The following ITPKB variants were observed in gnomAD, a reference collection of about 807,000 sequenced individuals.
The protein encoded by ITPKB is IP3 3-kinase B.
Under a neutral mutation model 69.4 loss-of-function variants are expected in ITPKB, and 13 were observed. That is an observed-to-expected ratio of 0.19 (90% CI 0.12 to 0.30). ITPKB has a LOEUF of 0.30. Ranked by LOEUF, ITPKB falls within the 10% of genes least tolerant of loss-of-function variation. ITPKB has a pLI of 1.00. For synonymous variants in ITPKB, 584 were observed against 513.7 expected (o/e 1.14, Z -1.85); for missense variants, 1,240 against 1,250.5 (o/e 0.99, Z 0.13).
rs866706391 is a variant in ITPKB, at chr1:226,736,192, G to A, written c.1267C>T (p.Pro423Ser). ...GGGGCCCCACTTCGGGCCTCCTCAG[G>A]GCCTACGGAGGCCAGGGCCCTGGGC... is the stretch of plus-strand genomic sequence containing the variant. ...RLPRALASVG[P>S]EEARSGAPVG... Residue 423 changes from proline (P) to serine (S), a missense_variant, in exon 2 of 8, where the codon CCT becomes TCT. By Grantham distance (74) the Pro-to-Ser change is moderately conservative (BLOSUM62 -1). This residue lies in a region of ITPKB where 992 missense variants were observed against 853.8 expected (regional missense o/e 1.16). Coordinates refer to ENST00000429204, the MANE Select transcript of ITPKB (RefSeq NM_002221.4). The A allele has an allele frequency of 1.9e-6, 3 of 1,538,512 alleles. No homozygotes were observed. The highest frequency in any genetic ancestry group is 1.4e-5 in the African/African-American group (1 of 72,446).
rs1369882709 is a variant in ITPKB at position 226,648,779 on chromosome 1, C to A, written c.1933-8G>T. 6.4e-7 allele frequency: 1 copy of A among 1,559,030 alleles called. No homozygotes were observed. The highest frequency in any genetic ancestry group is 1.7e-5 in the Admixed American group (1 of 59,780). On this transcript the variant is annotated splice_polypyrimidine_tract_variant and splice_region_variant and intron_variant, in intron 2 of 7. Coordinates refer to ENST00000429204, the MANE Select transcript of ITPKB (RefSeq NM_002221.4). ...CTTCCTCCATGATTTGCTCTAGAAA[C>A]AAACAAACAAAAAGCTCTACATTAG... is the stretch of plus-strand genomic sequence containing the variant.
chr1:226,728,266 C>A (rs1246805936), intron 2 of ITPKB, among the ~76,000 whole-genome samples: 3 of 152,136 alleles, frequency 2.0e-5, no homozygotes, highest in Non-Finnish European at 2.9e-5. Flanking sequence ...GACTAGTGGC[C>A]TGAAGAGATA....
intron 2 of ITPKB, among the ~76,000 whole-genome samples, chr1:226,655,504 C>G (rs988292203): frequency 6.6e-6 from 1 of 152,236 alleles, no homozygotes; most frequent in Non-Finnish European, 1.5e-5. Flanking sequence ...ACCTGTGGCT[C>G]TCTTTTTGGG....
rs201326509 is a variant in ITPKB at position 226,689,571 on chromosome 1, G to T, written c.1933-40800C>A. Among the ~76,000 whole-genome samples the T allele has an allele frequency of 8.7e-3, 303 of 34,662 alleles. 6 individuals carry two copies. The highest frequency in any genetic ancestry group is 0.065 in the South Asian group (91 of 1,396). The allele number at this position is 34,662 out of a possible 152,430, so 22.7% of individuals were successfully genotyped here. ...TTTCCTTTGTCGGAAGGTTTTATTT[G>T]TGTGTGTGTGTGTGTGTGTGTGTGT... On this transcript the variant is annotated intron_variant, in intron 2 of 7. Transcript: ENST00000429204.
At chr1:226,707,330 G>A (rs1558091625) in intron 2 of ITPKB, 1 of 196,266 alleles carries the variant, frequency 5.1e-6, no homozygotes, top group Non-Finnish European at 9.2e-6. Flanking sequence ...CAAGTAGCTG[G>A]GATTACAGGT....
At chr1:226,675,746 T>A (rs1470037919) in intron 2 of ITPKB, among the ~76,000 whole-genome samples, 1 of 152,210 alleles carries the variant, frequency 6.6e-6, no homozygotes, top group Non-Finnish European at 1.5e-5. Flanking sequence ...GAATCCTTCA[T>A]AGGATGAAAC....
chr1:226,637,696 A>G lies in ITPKB; in HGVS notation c.2608T>C (p.Phe870Leu). The change falls in exon 7 of 8, where the codon TTC (phenylalanine) becomes CTC (leucine). Residue 870 changes from phenylalanine (F) to leucine (L), a missense_variant. Physicochemically the swap from Phe to Leu is conservative, Grantham distance 22. This residue lies in a region of ITPKB where 248 missense variants were observed against 396.7 expected (regional missense o/e 0.63). Coordinates refer to ENST00000429204, the MANE Select transcript of ITPKB (RefSeq NM_002221.4). This position sits in a 1 kb window ranked among gnomAD's most constrained non-coding sequence, Gnocchi z 4.3. ...GTATCTACCTCGTGGCACTTGAAGA[A>G]GGGAGAAACTTCTAGAGTGGTTCGA... ...AIRTTLEVSP[F>L]FKCHEVIGSS... 1 of 1,613,832 alleles carries G rather than the reference A, an allele frequency of 6.2e-7. No homozygotes were observed. Among genetic ancestry groups the G allele is most frequent in the South Asian group, 1.1e-5 (1 of 91,056 alleles).
At chr1:226,667,197 A>T (rs532773967) in intron 2 of ITPKB, among the ~76,000 whole-genome samples, 1 of 152,270 alleles carries the variant, frequency 6.6e-6, no homozygotes, top group East Asian at 1.9e-4. Context: ...TGATGACATG[A>T]GTGTTACCCC....
At chr1:226,648,256 G>A (rs1669103412) in intron 3 of ITPKB, among the ~76,000 whole-genome samples, 1 of 152,224 alleles carries the variant, frequency 6.6e-6, no homozygotes, top group African/African-American at 2.4e-5. Context: ...CCAGGACCAT[G>A]GCAATTTAGG....
intron 2 of ITPKB, among the ~76,000 whole-genome samples, chr1:226,717,532 C>T (rs1020925091): frequency 1.3e-5 from 2 of 152,186 alleles, no homozygotes; most frequent in African/African-American, 4.8e-5. Flanking sequence ...GCCACCATCT[C>T]GGAGGCGCCC....
At position 226,641,458 on chromosome 1, in the gene ITPKB, C is replaced by T. The variant is rs1668959605; in HGVS notation, c.2451+463G>A. 6.6e-6 allele frequency among the ~76,000 whole-genome samples: 1 copy of T among 152,128 alleles called. No homozygotes were observed. Among genetic ancestry groups the T allele is most frequent in the South Asian group, 2.1e-4 (1 of 4,826 alleles). Reference sequence around the variant, plus strand: ...TGTTCCAATAAATATTTTAAAATTTCCAAAAAAAGATCGAAGAGCAAAGCA... The same window carrying T: ...TGTTCCAATAAATATTTTAAAATTTTCAAAAAAAGATCGAAGAGCAAAGCA... On this transcript the variant is annotated intron_variant, in intron 5 of 7. Coordinates refer to ENST00000429204, the MANE Select transcript of ITPKB (RefSeq NM_002221.4). This position sits in a 1 kb window ranked among gnomAD's most constrained non-coding sequence, Gnocchi z 4.6.
At chr1:226,640,324 A>C (rs1290171843) in intron 5 of ITPKB, among the ~76,000 whole-genome samples, 2 of 152,190 alleles carry the variant, frequency 1.3e-5, no homozygotes, top group Non-Finnish European at 2.9e-5. Context: ...TTTAGGGACA[A>C]AGGGAATGCT....
At chr1:226,700,661 G>T (rs1226640641) in intron 2 of ITPKB, among the ~76,000 whole-genome samples, 2 of 152,022 alleles carry the variant, frequency 1.3e-5, no homozygotes, top group African/African-American at 2.4e-5. Context: ...AGCTTGCCTA[G>T]AATGATATTA....
intron 2 of ITPKB, among the ~76,000 whole-genome samples, chr1:226,666,540 T>C (rs1669506923): frequency 6.6e-6 from 1 of 152,062 alleles, no homozygotes; most frequent in Non-Finnish European, 1.5e-5. Context: ...GGATCACAAA[T>C]TCCATGGGAG....
At chr1:226,708,267 T>G (rs1247410822) in intron 2 of ITPKB, among the ~76,000 whole-genome samples, 1 of 152,244 alleles carries the variant, frequency 6.6e-6, no homozygotes, top group Non-Finnish European at 1.5e-5. Flanking sequence ...ATCATTAGCT[T>G]CTTTCTCTGT....
In ITPKB at chr1:226,735,625, A is replaced by G; in HGVS notation, c.1834T>C (p.Tyr612His). 6.2e-7 allele frequency: 1 copy of G among 1,610,808 alleles called. No individual in the cohort carries two copies. The highest frequency in any genetic ancestry group is 1.3e-5 in the African/African-American group (1 of 74,908). The part of the protein sequence containing the change: ...SASSTGFSSS[Y>H]EDSEEDISSD... Reference sequence around the variant, plus strand: ...GAGATGTCCTCCTCTGAGTCTTCGTAGGATGAGGAGAAGCCCGTGGAGGAG... The same window carrying G: ...GAGATGTCCTCCTCTGAGTCTTCGTGGGATGAGGAGAAGCCCGTGGAGGAG... Residue 612 changes from tyrosine (Y) to histidine (H), a missense_variant, in exon 2 of 8, where the codon TAC becomes CAC. Coordinates refer to ENST00000429204, the MANE Select transcript of ITPKB (RefSeq NM_002221.4).
intron 2 of ITPKB, among the ~76,000 whole-genome samples, chr1:226,688,014 C>T (rs1656254727): frequency 1.3e-5 from 2 of 152,132 alleles, no homozygotes; most frequent in African/African-American, 4.8e-5. Context: ...GATAAAGCTC[C>T]CAATTGCCCT....
chr1:226,670,175 C>CAA (rs35767912), intron 2 of ITPKB, among the ~76,000 whole-genome samples: 1,333 of 31,916 alleles, frequency 0.042, 235 homozygotes, highest in African/African-American at 0.099. Flanking sequence ...AGCTCCGCCG[C>CAA]AAAAAAAAAA....
intron 2 of ITPKB, among the ~76,000 whole-genome samples, chr1:226,672,994 C>G (rs867547509): frequency 6.6e-6 from 1 of 152,218 alleles, no homozygotes; most frequent in Non-Finnish European, 1.5e-5. Flanking sequence ...CCTTCCCAAC[C>G]AGAATCCTGT....
Sources: allele counts gnomAD v4.1 joint callset (sites outside exome capture counted in the v4.1 genomes callset), GRCh38; gene constraint gnomAD v4.1.1; regional missense constraint gnomAD v4.1.1; non-coding constraint Gnocchi (gnomAD v3.1); transcripts MANE v1.5; gene names NCBI Gene and HGNC (gene_info 2026-07-23, HGNC 2026-07-21).